CRNKL1: variants seen among roughly 807,000 people sequenced by gnomAD.
CRNKL1 encodes crooked neck pre-mRNA splicing factor 1.
A neutral mutation model predicts 103.7 loss-of-function variants in CRNKL1; 35 were observed. The observed-to-expected ratio is 0.34, with a 90% CI of 0.26 to 0.45. The LOEUF (loss-of-function observed/expected upper bound fraction) is 0.45. Ranked by LOEUF, CRNKL1 falls within the 20% of genes least tolerant of loss-of-function variation. The pLI is 1.00. For synonymous variants in CRNKL1, 267 were observed against 282.6 expected (o/e 0.94, Z 0.55); for missense variants, 645 against 836.0 (o/e 0.77, Z 2.82).
chr20:20,042,746 C>T (rs6046565), intron 7 of CRNKL1, among the ~76,000 whole-genome samples: 1,759 of 152,304 alleles, frequency 0.012, 24 homozygotes, highest in African/African-American at 0.04. Flanking sequence ...AGCAAGGACT[C>T]CTTCATCTAT....
At chr20:20,039,586 T>A in intron 11 of CRNKL1, 23 bp downstream of exon 11, 2 of 1,611,520 alleles carry the variant, frequency 1.2e-6, no homozygotes, top group Non-Finnish European at 1.7e-6. Flanking sequence ...CAAACAAAAT[T>A]ATATTTGACT....
At chr20:20,051,727 G>C (rs1462181491) in intron 1 of CRNKL1, among the ~76,000 whole-genome samples, 1 of 152,128 alleles carries the variant, frequency 6.6e-6, no homozygotes, top group East Asian at 1.9e-4. Flanking sequence ...GCTATCAAAG[G>C]AAATACCAGA....
upstream of CRNKL1, chr20:20,052,508 G>C: frequency 6.2e-7 from 1 of 1,614,260 alleles, no homozygotes; most frequent in Non-Finnish European, 8.5e-7. Flanking sequence ...CCGTGACGGA[G>C]GCGGCACCGT....
In CRNKL1 at chr20:20,052,346, T is replaced by A; in HGVS notation, c.-4A>T. ...CGGCCGCGGTGGAGGCCGCCATGTCTGCAGCAGTCGACCTCTGGACACCTG... is the reference window on the plus strand; with the variant it reads ...CGGCCGCGGTGGAGGCCGCCATGTCAGCAGCAGTCGACCTCTGGACACCTG... On this transcript the variant is annotated 5_prime_UTR_variant, in exon 1 of 14. Coordinates refer to ENST00000536226, the MANE Select transcript of CRNKL1 (RefSeq NM_001278628.2). 1 of 1,613,856 alleles carries A rather than the reference T, an allele frequency of 6.2e-7. No individual in the cohort carries two copies.
At chr20:20,048,037 T>G in intron 4 of CRNKL1, 106 bp from the exon 5 acceptor site, 1 of 1,328,228 alleles carries the variant, frequency 7.5e-7, no homozygotes, top group Non-Finnish European at 1.0e-6. Flanking sequence ...ATCAAACATG[T>G]TTTGTCATTT....
chr20:20,052,421 A>T lies in CRNKL1; in HGVS notation c.-79T>A, dbSNP rs774158149. On this transcript the variant is annotated 5_prime_UTR_variant, in exon 1 of 14. Coordinates refer to ENST00000536226, the MANE Select transcript of CRNKL1 (RefSeq NM_001278628.2). ...GGCTCTGAGAGCTCACCGAAACCACAAAGCTTTCAGAAAACAAACAGGATC... is the reference window on the plus strand; with the variant it reads ...GGCTCTGAGAGCTCACCGAAACCACTAAGCTTTCAGAAAACAAACAGGATC... 6.2e-7 allele frequency: 1 copy of T among 1,614,154 alleles called. No homozygotes were observed. Among genetic ancestry groups the T allele is most frequent in the Non-Finnish European group, 8.5e-7 (1 of 1,180,024 alleles).
intron 13 of CRNKL1, among the ~76,000 whole-genome samples, chr20:20,036,784 T>C (rs2043425406): frequency 6.6e-6 from 1 of 152,214 alleles, no homozygotes; most frequent in South Asian, 2.1e-4. Flanking sequence ...TTCCCAAATA[T>C]TGTTCTAACA....
chr20:20,045,294 T>A lies in CRNKL1; in HGVS notation c.801+14A>T. The stretch of plus-strand genomic sequence containing the variant: ...TAAGCTGTTTTACAGTATAATGAAG[T>A]TAGGTATACTTACCTCTTTCTGATT... On this transcript the variant is annotated intron_variant, in intron 6 of 13. Transcript: ENST00000536226. The A allele has an allele frequency of 1.3e-6, 2 of 1,597,298 alleles. No homozygotes were observed.
At chr20:20,038,664 G>A (rs1032328821) in intron 11 of CRNKL1, 3 of 432,930 alleles carry the variant, frequency 6.9e-6, no homozygotes, top group African/African-American at 6.2e-5. Flanking sequence ...AAGGGCCTTG[G>A]ATTCAGTCTT....
Position 20,049,487 on chromosome 20 carries a change from C to T in CRNKL1, c.205-56G>A, listed in dbSNP as rs531918924. The T allele has an allele frequency of 3.5e-5, 31 of 881,150 alleles. No homozygotes were observed. The African/African-American group carries it at 4.0e-4, about 11-fold the overall frequency. The allele number at this position is 881,150 out of a possible 1,614,324, so 54.6% of individuals were successfully genotyped here. A position where few individuals can be genotyped will look rare whatever the true frequency, so the allele number is the denominator to read the frequency against. On this transcript the variant is annotated intron_variant, in intron 2 of 13. Coordinates refer to ENST00000536226, the MANE Select transcript of CRNKL1 (RefSeq NM_001278628.2). ...AGACAAATGACTAAAAATGACAGCA[C>T]CCTTGGTCTATTTTAAGTCTTGTAC...
upstream of CRNKL1, among the ~76,000 whole-genome samples, chr20:20,053,992 CTG>C (rs1375844245): frequency 1.8e-5 from 2 of 113,538 alleles, no homozygotes; most frequent in African/African-American, 7.0e-5. Context: ...CAGTTCATCT[CTG>C]TGTGTGTTTT....
intron 9 of CRNKL1, 108 bp downstream of exon 9, chr20:20,041,458 G>T: frequency 2.3e-6 from 2 of 874,420 alleles, no homozygotes; most frequent in East Asian, 2.5e-5. Context: ...TGTCCATGGT[G>T]GGACAGGGAA....
intron 9 of CRNKL1, among the ~76,000 whole-genome samples, chr20:20,041,156 C>T (rs1249264752): frequency 3.3e-5 from 5 of 152,240 alleles, no homozygotes; most frequent in African/African-American, 9.6e-5. Flanking sequence ...GAAGGAAACA[C>T]GTTTTGTTTC....
chr20:20,038,888 C>T (rs555350141), intron 11 of CRNKL1, among the ~76,000 whole-genome samples: 3 of 152,270 alleles, frequency 2.0e-5, no homozygotes, highest in East Asian at 1.9e-4. Context: ...TGAACAGGTG[C>T]GCACTGGCTC....
chr20:20,044,623 T>C (rs1384866730), intron 6 of CRNKL1, among the ~76,000 whole-genome samples: 1 of 152,148 alleles, frequency 6.6e-6, no homozygotes, highest in African/African-American at 2.4e-5. Context: ...TTATTTGAAC[T>C]CCCTTTTTTT....
rs543747199 is a variant in CRNKL1, at chr20:20,043,431, C to T, written c.972+61G>A. On this transcript the variant is annotated intron_variant, in intron 7 of 13. Coordinates refer to ENST00000536226, the MANE Select transcript of CRNKL1 (RefSeq NM_001278628.2). ...CTTGCTATTATTCATTTTAGTGTTG[C>T]TAGTATTGATGAGCACATCTTGGGT... The T allele has an allele frequency of 4.2e-5, 62 of 1,485,454 alleles. No homozygotes were observed. In the South Asian group the frequency reaches 5.9e-4, roughly 14 times the overall value. 92.0% of individuals were successfully genotyped at this position (1,485,454 alleles called of 1,614,324 possible).
In CRNKL1 at chr20:20,041,623, A is replaced by G; in HGVS notation, c.1167T>C (p.Asp389=). 6.2e-7 allele frequency: 1 copy of G among 1,611,460 alleles called. No homozygotes were observed. The highest frequency in any genetic ancestry group is 8.5e-7 in the Non-Finnish European group (1 of 1,177,666). Residue 389 remains aspartate (D), a splice_region_variant and synonymous_variant, in exon 9 of 14, where the codon GAT becomes GAC. Coordinates refer to ENST00000536226, the MANE Select transcript of CRNKL1 (RefSeq NM_001278628.2). Reference sequence around the variant, plus strand: ...GATACACCTGTCTTGTCCTCTCAGGATCCTGTATTAGGATAAGAAATTTTC... The same window carrying G: ...GATACACCTGTCTTGTCCTCTCAGGGTCCTGTATTAGGATAAGAAATTTTC... The part of the protein sequence containing the change: ...YALYEELEAK[D]PERTRQVYQA...
At chr20:20,052,551 C>G (rs148307781), upstream of CRNKL1, 2,017 of 1,614,152 alleles carry the variant, frequency 1.2e-3, 2 homozygotes, top group Non-Finnish European at 1.6e-3. Flanking sequence ...GTCCTCCTTG[C>G]GGCAGCGCGT....
intron 1 of CRNKL1, among the ~76,000 whole-genome samples, chr20:20,051,665 T>C (rs1404481453): frequency 6.6e-6 from 1 of 152,066 alleles, no homozygotes; most frequent in Non-Finnish European, 1.5e-5. Context: ...GGAGGGAGGG[T>C]ATCTGTAAAG....
Sources: allele counts gnomAD v4.1 joint callset (sites outside exome capture counted in the v4.1 genomes callset), GRCh38; gene constraint gnomAD v4.1.1; transcripts MANE v1.5; gene names NCBI Gene and HGNC (gene_info 2026-07-23, HGNC 2026-07-21).